The following RBM27 variants were observed in gnomAD, a reference collection of about 807,000 sequenced individuals.
RBM27 encodes the protein RNA binding motif protein 27, also known as RNA-binding protein 27.
In RBM27, 22 loss-of-function variants were observed where a neutral mutation model predicts 135.3. The observed-to-expected ratio is 0.16, with a 90% CI of 0.12 to 0.23. RBM27 has a LOEUF of 0.23. Among genes scored for constraint, RBM27 ranks in the 10% least tolerant of loss-of-function variants. The probability of loss-of-function intolerance (pLI) is 1.00; values close to 1 mark genes in which losing one functional copy is unlikely to be tolerated. For missense variants in RBM27, 1,009 were observed against 1,281.0 expected, an observed-to-expected ratio of 0.79 and a Z score of 3.24; for synonymous variants, 481 against 442.4, an observed-to-expected ratio of 1.09 and a Z score of -1.10.
At chr5:146,260,632 C>A in intron 11 of RBM27, 113 bp from the exon 12 acceptor site, 2 of 800,596 alleles carry the variant, frequency 2.5e-6, no homozygotes, top group Non-Finnish European at 3.8e-6. Context: ...AGCCACCATG[C>A]CCAGCCACAA....
At chr5:146,223,792 G>GA (rs1756557445) in intron 3 of RBM27, among the ~76,000 whole-genome samples, 1 of 152,124 alleles carries the variant, frequency 6.6e-6, no homozygotes, top group Admixed American at 6.5e-5. Flanking sequence ...TTTAGAAAAA[G>GA]AAAACTTGGT....
rs1235025262 is a variant in RBM27, at chr5:146,223,490, A to C, written c.266A>C (p.Lys89Thr). The C allele has an allele frequency of 6.2e-7, 1 of 1,609,498 alleles. No individual in the cohort carries two copies. ...TTGGAACCAGTAAAGCCTGAGCCAAAACCACTAGTCCAAGAAAAAGAAGAA... is the reference window on the plus strand; with the variant it reads ...TTGGAACCAGTAAAGCCTGAGCCAACACCACTAGTCCAAGAAAAAGAAGAA... ...PLLEPVKPEP[K>T]PLVQEKEEIK... Residue 89 changes from lysine to threonine, a missense_variant, in exon 3 of 21, where the codon AAA becomes ACA. By Grantham distance (78) the Lys-to-Thr change is moderately conservative. Around this residue, in one of 6 missense-constraint regions of RBM27, gnomAD observed 268 missense variants for 326.6 expected, o/e 0.82. Coordinates refer to ENST00000265271, the MANE Select transcript of RBM27 (RefSeq NM_018989.2).
At chr5:146,207,306 T>C (rs1755726361) in intron 1 of RBM27, among the ~76,000 whole-genome samples, 1 of 152,072 alleles carries the variant, frequency 6.6e-6, no homozygotes, top group Admixed American at 6.5e-5. Flanking sequence ...CTCTGCCTCC[T>C]GGGTTCAAGC....
In RBM27 at chr5:146,233,743, A is replaced by C. The variant is rs1340172520; in HGVS notation, c.1144A>C (p.Arg382=). ...ACCATCCGTTGTGCTTCCCATACCA[A>C]GTAAGTATATATTTGTTGAATTTTT... ...PPPSVVLPIP[R]PPITQSSLIN... The change falls in exon 7 of 21, where the codon AGA becomes CGA. Residue 382 remains arginine, a splice_region_variant and synonymous_variant. Transcript: ENST00000265271. 1 of 1,410,424 alleles carries C rather than the reference A, an allele frequency of 7.1e-7. No individual in the cohort carries two copies. Among genetic ancestry groups the C allele is most frequent in the African/African-American group, 1.4e-5 (1 of 69,118 alleles). 87.4% of individuals were successfully genotyped at this position (1,410,424 alleles called of 1,614,324 possible).
intron 19 of RBM27, among the ~76,000 whole-genome samples, chr5:146,272,722 CAA>C (rs572288741): frequency 2.8e-4 from 33 of 117,564 alleles, no homozygotes; most frequent in East Asian, 9.7e-4. Flanking sequence ...AACTCCATCT[CAA>C]AAAAAAAAAA....
rs1413125645 is a variant in RBM27 at position 146,287,348 on chromosome 5, T to G, written c.*1318T>G. On this transcript the variant is annotated 3_prime_UTR_variant, in exon 21 of 21. Coordinates refer to ENST00000265271, the MANE Select transcript of RBM27 (RefSeq NM_018989.2). ...TGTTAAGTAAAATATATATGTAAATTTATGTCTTCGTGTTCTGAATGTTAG... is the reference window on the plus strand; with the variant it reads ...TGTTAAGTAAAATATATATGTAAATGTATGTCTTCGTGTTCTGAATGTTAG... 1 of 152,134 alleles carries G rather than the reference T, an allele frequency of 6.6e-6. No homozygotes were observed. Among genetic ancestry groups the G allele is most frequent in the Non-Finnish European group, 1.5e-5 (1 of 68,016 alleles). 9.4% of individuals were successfully genotyped at this position (152,134 alleles called of 1,614,324 possible).
intron 19 of RBM27, among the ~76,000 whole-genome samples, chr5:146,280,819 G>A (rs1327151679): frequency 6.6e-6 from 1 of 151,976 alleles, no homozygotes; most frequent in Non-Finnish European, 1.5e-5. Context: ...CTTTTATACT[G>A]TAAACAAATG....
At chr5:146,220,940 A>G (rs926171517) in intron 2 of RBM27, among the ~76,000 whole-genome samples, 15 of 152,092 alleles carry the variant, frequency 9.9e-5, no homozygotes, top group African/African-American at 3.1e-4. Flanking sequence ...AGGATTGGCC[A>G]GGCGCGGTGG....
rs574511633 is a variant in RBM27, at chr5:146,276,414, G to A, written c.2988+4740G>A. Reference sequence around the variant, plus strand: ...TGCTCCCACAATATTTATATAATTCGTTATAATTTTTATGTTCTTACTGGC... The same window carrying A: ...TGCTCCCACAATATTTATATAATTCATTATAATTTTTATGTTCTTACTGGC... On this transcript the variant is annotated intron_variant, in intron 19 of 20. Transcript: ENST00000265271. Among the ~76,000 whole-genome samples the A allele has an allele frequency of 1.1e-4, 16 of 152,020 alleles. No individual in the cohort carries two copies. The East Asian group carries it at 1.7e-3, about 17-fold the overall frequency.
At chr5:146,224,356 A>T (rs1756577275) in intron 3 of RBM27, among the ~76,000 whole-genome samples, 1 of 152,158 alleles carries the variant, frequency 6.6e-6, no homozygotes, top group African/African-American at 2.4e-5. Context: ...GGTAAAATGA[A>T]TTTTTAATTT....
At chr5:146,259,979 CAAAAAAAAAAAAAAAAA>C (rs34781548) in intron 11 of RBM27, among the ~76,000 whole-genome samples, 1 of 35,284 alleles carries the variant, frequency 2.8e-5, no homozygotes, top group Non-Finnish European at 4.5e-5. Flanking sequence ...GACTCCGTCT[CAAAAAAAAAAAAAAAAA>C]AAAAAAAAAA....
intron 6 of RBM27, 34 bp from the exon 7 acceptor site, chr5:146,233,416 T>C (rs1306508287): frequency 1.3e-6 from 2 of 1,502,624 alleles, no homozygotes; most frequent in Non-Finnish European, 1.8e-6. Context: ...AAGTAGATGA[T>C]AATAAGATTC....
chr5:146,203,636 G>C lies in RBM27; in HGVS notation c.-130G>C, dbSNP rs563730909. 1.2e-6 allele frequency: 1 copy of C among 825,226 alleles called. No homozygotes were observed. The highest frequency in any genetic ancestry group is 2.3e-5 in the Admixed American group (1 of 42,594). 51.1% of individuals were successfully genotyped at this position (825,226 alleles called of 1,614,324 possible). A position where few individuals can be genotyped will look rare whatever the true frequency, so the allele number is the denominator to read the frequency against. On this transcript the variant is annotated 5_prime_UTR_variant, in exon 1 of 21. Coordinates refer to ENST00000265271, the MANE Select transcript of RBM27 (RefSeq NM_018989.2). ...TGTTAGGCCCCGGCCGGGGGAGTAGGTTGAAGTCTCCTAAGATGCCCGGTG... is the reference window on the plus strand; with the variant it reads ...TGTTAGGCCCCGGCCGGGGGAGTAGCTTGAAGTCTCCTAAGATGCCCGGTG...
rs1759670476 is a variant in RBM27 at position 146,288,506 on chromosome 5, T to C, written c.*2476T>C. 1 of 152,064 alleles carries C rather than the reference T, an allele frequency of 6.6e-6. No homozygotes were observed. Among genetic ancestry groups the C allele is most frequent in the African/African-American group, 2.4e-5 (1 of 41,418 alleles). 9.4% of individuals were successfully genotyped at this position (152,064 alleles called of 1,614,324 possible). ...GTTAGCATAAAATAGTTTATATATA[T>C]CCCCTGCCCCCTTTGGGATTTACTT... On this transcript the variant is annotated 3_prime_UTR_variant, in exon 21 of 21. Coordinates refer to ENST00000265271, the MANE Select transcript of RBM27 (RefSeq NM_018989.2).
At chr5:146,220,310 T>C (rs1321276766) in intron 2 of RBM27, among the ~76,000 whole-genome samples, 2 of 151,962 alleles carry the variant, frequency 1.3e-5, no homozygotes, top group African/African-American at 2.4e-5. Context: ...ACCCCATCTC[T>C]ACTAAAAATA....
intron 9 of RBM27, 33 bp downstream of exon 9, chr5:146,251,908 C>A (rs1231710835): frequency 6.2e-7 from 1 of 1,603,472 alleles, no homozygotes. Flanking sequence ...ATCCACCTCA[C>A]TGATCTTTTT....
chr5:146,208,555 G>A (rs550489181), intron 1 of RBM27, among the ~76,000 whole-genome samples: 2 of 152,196 alleles, frequency 1.3e-5, no homozygotes, highest in African/African-American at 4.8e-5. Context: ...ACTAGACTCA[G>A]TTCTTGTTTG....
At chr5:146,223,158 T>C (rs1034839333) in intron 2 of RBM27, among the ~76,000 whole-genome samples, 8 of 152,210 alleles carry the variant, frequency 5.3e-5, no homozygotes, top group Non-Finnish European at 8.8e-5. Context: ...CATGGAAATT[T>C]GAGTTGTTTC....
chr5:146,250,494 G>A (rs930429576), intron 8 of RBM27, among the ~76,000 whole-genome samples: 11 of 151,068 alleles, frequency 7.3e-5, no homozygotes, highest in East Asian at 1.9e-4. Flanking sequence ...GTCTGATGTT[G>A]GACATATATA....
Sources: gnomAD v4.1 joint callset for allele counts (sites outside exome capture counted in the v4.1 genomes callset) on GRCh38, gnomAD v4.1.1 for gene constraint, gnomAD v4.1.1 regional missense constraint, MANE v1.5 for transcripts, NCBI Gene and HGNC (gene_info 2026-07-23, HGNC 2026-07-21) for gene names.